SEC63: variants seen among roughly 807,000 people sequenced by gnomAD.
The protein encoded by SEC63 is translocation protein SEC63 homolog.
A neutral mutation model predicts 116.2 loss-of-function variants in SEC63; 56 were observed. That is an observed-to-expected ratio of 0.48 (90% CI 0.39 to 0.60). The LOEUF (loss-of-function observed/expected upper bound fraction) is 0.60, where lower values mean the gene tolerates loss of function less well. SEC63 is among the 20% of genes least tolerant of loss of function. The pLI is 0.00. For missense variants in SEC63, 668 were observed against 900.0 expected, an observed-to-expected ratio of 0.74 and a Z score of 3.30; for synonymous variants, 273 against 294.6, an observed-to-expected ratio of 0.93 and a Z score of 0.75.
At chr6:107,874,683 T>C (rs1472048367) in intron 19 of SEC63, among the ~76,000 whole-genome samples, 1 of 152,130 alleles carries the variant, frequency 6.6e-6, no homozygotes, top group Admixed American at 6.5e-5. Flanking sequence ...AAAATCTCTT[T>C]TTTTCTTTCT....
At chr6:107,887,215 A>C (rs1786550861) in intron 16 of SEC63, among the ~76,000 whole-genome samples, 1 of 150,108 alleles carries the variant, frequency 6.7e-6, no homozygotes, top group Admixed American at 6.7e-5. Context: ...CTAGAACTGG[A>C]AATACCATTT....
rs376928780 is a variant in SEC63, at chr6:107,904,727, A to G, written c.962-6T>C. 6.3e-7 allele frequency: 1 copy of G among 1,589,982 alleles called. No homozygotes were observed. Among genetic ancestry groups the G allele is most frequent in the Non-Finnish European group, 8.6e-7 (1 of 1,158,206 alleles). On this transcript the variant is annotated splice_region_variant and splice_polypyrimidine_tract_variant and intron_variant, in intron 10 of 20. Coordinates refer to ENST00000369002, the MANE Select transcript of SEC63 (RefSeq NM_007214.5). ...TTTTAGCATGAATTGCTGATCTGCA[A>G]AACAATAAAAAACCTGAAACAGATC...
At chr6:107,916,752 C>A (rs943455834) in intron 4 of SEC63, among the ~76,000 whole-genome samples, 1 of 152,174 alleles carries the variant, frequency 6.6e-6, no homozygotes, top group East Asian at 1.9e-4. Context: ...TTTCTATTAT[C>A]ATTGCGGGGC....
intron 1 of SEC63, among the ~76,000 whole-genome samples, chr6:107,938,575 T>C (rs1163592973): frequency 6.7e-6 from 1 of 148,504 alleles, no homozygotes; most frequent in African/African-American, 2.5e-5. Flanking sequence ...TCTTTTTTTT[T>C]TTTTTTAGAC....
At chr6:107,892,995 TAAG>T (rs1395441414) in intron 16 of SEC63, among the ~76,000 whole-genome samples, 1 of 152,066 alleles carries the variant, frequency 6.6e-6, no homozygotes, top group Non-Finnish European at 1.5e-5. Flanking sequence ...ATGCCATGTA[TAAG>T]AATAAGCATA....
intron 1 of SEC63, among the ~76,000 whole-genome samples, chr6:107,954,276 GTTAAGAGTCA>G (rs1562344861): frequency 6.6e-6 from 1 of 151,482 alleles, no homozygotes; most frequent in Non-Finnish European, 1.5e-5. Flanking sequence ...CAGCATGCTC[GTTAAGAGTCA>G]TCACCACTCC....
intron 1 of SEC63, among the ~76,000 whole-genome samples, chr6:107,932,752 T>G (rs1787841508): frequency 6.6e-6 from 1 of 152,130 alleles, no homozygotes; most frequent in Admixed American, 6.5e-5. Context: ...ATCTACTAAG[T>G]GGGCCTAGGA....
At chr6:107,916,852 C>T (rs1486039179) in intron 4 of SEC63, among the ~76,000 whole-genome samples, 2 of 152,174 alleles carry the variant, frequency 1.3e-5, no homozygotes, top group East Asian at 1.9e-4. Context: ...CCATCTCTCT[C>T]CCACTCCTCA....
chr6:107,897,751 A>T lies in SEC63; in HGVS notation c.1358-20T>A. The T allele has an allele frequency of 1.3e-6, 2 of 1,508,416 alleles. No homozygotes were observed. Among genetic ancestry groups the T allele is most frequent in the African/African-American group, 2.7e-5 (2 of 72,954 alleles). 93.4% of individuals were successfully genotyped at this position (1,508,416 alleles called of 1,614,324 possible). A position where few individuals can be genotyped will look rare whatever the true frequency, so the allele number is the denominator to read the frequency against. On this transcript the variant is annotated intron_variant, in intron 13 of 20. Transcript: ENST00000369002. The stretch of plus-strand genomic sequence containing the variant: ...CTAACACTGTTAAGATGGAAGAAAA[A>T]AAACAGCAAAAAATAAAAATCAAGT...
At chr6:107,918,929 G>A (rs1448104319) in intron 4 of SEC63, among the ~76,000 whole-genome samples, 1 of 42,166 alleles carries the variant, frequency 2.4e-5, no homozygotes, top group Non-Finnish European at 4.9e-5. Context: ...TTTTTTTTTT[G>A]AGACAGAGTC....
chr6:107,933,726 C>T (rs1267510735), intron 1 of SEC63, among the ~76,000 whole-genome samples: 5 of 151,682 alleles, frequency 3.3e-5, no homozygotes, highest in Admixed American at 6.6e-5. Context: ...CCACGGCCCA[C>T]GGTCTCCCTC....
At chr6:107,934,676 G>A (rs1309813627) in intron 1 of SEC63, among the ~76,000 whole-genome samples, 7 of 104,084 alleles carry the variant, frequency 6.7e-5, no homozygotes, top group Non-Finnish European at 1.0e-4. Flanking sequence ...AGGTGGGGGG[G>A]TCAGCCCCCT....
rs534339574 is a variant in SEC63, at chr6:107,923,900, T to A, written c.339+918A>T. 9.1e-4 allele frequency among the ~76,000 whole-genome samples: 138 copies of A among 152,302 alleles called. 3 individuals carry two copies. Among genetic ancestry groups the A allele is most frequent in the African/African-American group, 3.2e-3 (133 of 41,572 alleles). The stretch of plus-strand genomic sequence containing the variant: ...TGAATACAAGGTCATAAGATTTTTA[T>A]CATTCAACTAACACAAATTATCCTC... On this transcript the variant is annotated intron_variant, in intron 3 of 20. Coordinates refer to ENST00000369002, the MANE Select transcript of SEC63 (RefSeq NM_007214.5).
chr6:107,878,748 G>A (rs1393505862), intron 18 of SEC63, among the ~76,000 whole-genome samples: 3 of 152,082 alleles, frequency 2.0e-5, no homozygotes, highest in African/African-American at 4.8e-5. Flanking sequence ...CCAGCTACTC[G>A]AGAGGCTGAG....
chr6:107,915,807 T>C (rs1364616451), intron 4 of SEC63, among the ~76,000 whole-genome samples: 2 of 152,208 alleles, frequency 1.3e-5, no homozygotes, highest in African/African-American at 4.8e-5. Flanking sequence ...ACTCAAGCAC[T>C]TAGAACTTAT....
chr6:107,904,644 C>A lies in SEC63; in HGVS notation c.1039G>T (p.Ala347Ser), dbSNP rs1312119419. The change falls in exon 11 of 21, where the codon GCC becomes TCC. Residue 347 changes from alanine to serine, a missense_variant. Around this residue, in one of 5 missense-constraint regions of SEC63, gnomAD observed 430 missense variants for 557.5 expected, o/e 0.77. Transcript: ENST00000369002. The part of the protein sequence containing the change: ...VNVICQLIVM[A>S]RNREEREFRA... ...TCCTCCTCACCTTCACGGTTCCGGG[C>A]CATTACTATTAGTTGGCAGATTACA... 6 of 1,611,896 alleles carry A rather than the reference C, an allele frequency of 3.7e-6. No individual in the cohort carries two copies. The South Asian group carries it at 6.6e-5, about 18-fold the overall frequency.
At chr6:107,935,440 G>T (rs1339822507) in intron 1 of SEC63, among the ~76,000 whole-genome samples, 1 of 151,170 alleles carries the variant, frequency 6.6e-6, no homozygotes, top group Admixed American at 6.6e-5. Context: ...ATTTTGTTCT[G>T]TACTAAGAAA....
intron 16 of SEC63, among the ~76,000 whole-genome samples, chr6:107,886,516 C>T (rs1434006744): frequency 1.3e-5 from 2 of 152,220 alleles, no homozygotes. Flanking sequence ...TCTCCACCAT[C>T]TGTTGTTTCC....
chr6:107,892,163 C>A (rs1341134286), intron 16 of SEC63, among the ~76,000 whole-genome samples: 1 of 152,158 alleles, frequency 6.6e-6, no homozygotes, highest in Non-Finnish European at 1.5e-5. Flanking sequence ...TTCCCCTTCC[C>A]CCAGGTGCTC....
Sources: gnomAD v4.1 joint callset for allele counts (sites outside exome capture counted in the v4.1 genomes callset) on GRCh38, gnomAD v4.1.1 for gene constraint, gnomAD v4.1.1 regional missense constraint, MANE v1.5 for transcripts, NCBI Gene and HGNC (gene_info 2026-07-23, HGNC 2026-07-21) for gene names.